CLSTN2: variants seen among roughly 807,000 people sequenced by gnomAD.
CLSTN2 encodes the protein calsyntenin-2.
A neutral mutation model predicts 101.2 loss-of-function variants in CLSTN2; 48 were observed. That is an observed-to-expected ratio of 0.47 (90% CI 0.38 to 0.60). The LOEUF is 0.60. Among genes scored for constraint, CLSTN2 ranks in the 20% least tolerant of loss-of-function variants. The probability of loss-of-function intolerance (pLI) is 0.00; values close to 1 mark genes in which losing one functional copy is unlikely to be tolerated. For missense variants in CLSTN2, 1,160 were observed against 1,238.2 expected (o/e 0.94, Z 0.95); for synonymous variants, 481 against 463.6 (o/e 1.04, Z -0.48).
intron 1 of CLSTN2, among the ~76,000 whole-genome samples, chr3:140,063,256 T>C (rs2008236900): frequency 6.6e-6 from 1 of 151,114 alleles, no homozygotes; most frequent in African/African-American, 2.5e-5. Flanking sequence ...GTTTCCCACC[T>C]AAATTTTAGT....
At chr3:140,170,695 G>A (rs1190207012) in intron 1 of CLSTN2, among the ~76,000 whole-genome samples, 2 of 152,136 alleles carry the variant, frequency 1.3e-5, no homozygotes, top group Non-Finnish European at 2.9e-5. Context: ...TTTTAAGTTG[G>A]TCTATAAATC....
intron 1 of CLSTN2, among the ~76,000 whole-genome samples, chr3:140,105,877 G>T (rs950114479): frequency 2.6e-5 from 4 of 152,206 alleles, no homozygotes; most frequent in African/African-American, 9.6e-5. Context: ...CCCTCTCTGA[G>T]CAGAAGTCAC....
At chr3:140,273,260 A>T (rs1410701197) in intron 2 of CLSTN2, among the ~76,000 whole-genome samples, 2 of 152,178 alleles carry the variant, frequency 1.3e-5, no homozygotes, top group African/African-American at 2.4e-5. Context: ...TACCTAATGC[A>T]TGCAGGGCTT....
chr3:140,442,666 C>T (rs1382143463), intron 5 of CLSTN2, among the ~76,000 whole-genome samples: 1 of 152,106 alleles, frequency 6.6e-6, no homozygotes, highest in Non-Finnish European at 1.5e-5. Context: ...TCAGGAGTAT[C>T]CTGCTGTTCT....
intron 2 of CLSTN2, among the ~76,000 whole-genome samples, chr3:140,190,765 ATGTTT>A: frequency 6.6e-6 from 1 of 152,234 alleles, no homozygotes; most frequent in Non-Finnish European, 1.5e-5. Flanking sequence ...GTATGGTGCT[ATGTTT>A]TATGTTATGC....
At chr3:140,550,173 C>G (rs2934764) in intron 10 of CLSTN2, among the ~76,000 whole-genome samples, 6 of 151,722 alleles carry the variant, frequency 4.0e-5, no homozygotes, top group South Asian at 2.1e-4. Flanking sequence ...CATATCAGAG[C>G]CCACCTATTA....
rs560140948 is a variant in CLSTN2 at position 140,550,975 on chromosome 3, C to G, written c.1674+4294C>G. On this transcript the variant is annotated intron_variant, in intron 10 of 16. Coordinates refer to ENST00000458420, the MANE Select transcript of CLSTN2 (RefSeq NM_022131.3). ...TTAATAAGACGCCCAATTTATGGAG[C>G]ACCCACTGGGGGCTATTGTATGTTC... 1.6e-3 allele frequency among the ~76,000 whole-genome samples: 247 copies of G among 152,010 alleles called. 1 individual carries two copies. The highest frequency in any genetic ancestry group is 5.3e-3 in the African/African-American group (219 of 41,390).
chr3:140,397,522 C>T (rs1005239803), intron 2 of CLSTN2, among the ~76,000 whole-genome samples: 1 of 152,176 alleles, frequency 6.6e-6, no homozygotes, highest in African/African-American at 2.4e-5. Context: ...ATTTATTTCT[C>T]ACAGTTCTGG....
chr3:139,986,373 C>T (rs1329205184), intron 1 of CLSTN2, among the ~76,000 whole-genome samples: 1 of 152,100 alleles, frequency 6.6e-6, no homozygotes, highest in Non-Finnish European at 1.5e-5. Flanking sequence ...TCCTCCCCAG[C>T]CCTTTGAGGG....
At chr3:140,565,788 C>T (rs1361417165) in intron 16 of CLSTN2, among the ~76,000 whole-genome samples, 1 of 152,186 alleles carries the variant, frequency 6.6e-6, no homozygotes, top group African/African-American at 2.4e-5. Context: ...CTAAAATGTC[C>T]AGCCCATCAT....
At position 140,226,844 on chromosome 3, in the gene CLSTN2, CA is replaced by C. The variant is rs367754600; in HGVS notation, c.232+50780del. On this transcript the variant is annotated intron_variant, in intron 2 of 16. Transcript: ENST00000458420. ...GATGGCAGCAAAGGGAGAGTTTGTG[CA>C]AAAAAAAACTCCCATTTTTAAAACC... Among the ~76,000 whole-genome samples, 297 of 150,954 alleles carry C rather than the reference CA, an allele frequency of 2.0e-3. 1 individual carries two copies. Among genetic ancestry groups the C allele is most frequent in the African/African-American group, 5.8e-3 (238 of 41,024 alleles).
At chr3:140,407,301 C>T (rs2107981211) in intron 4 of CLSTN2, among the ~76,000 whole-genome samples, 1 of 152,304 alleles carries the variant, frequency 6.6e-6, no homozygotes, top group Middle Eastern at 3.4e-3. Flanking sequence ...CCCATGGCTT[C>T]AGATGGATGT....
At chr3:140,211,992 C>T (rs2010861788) in intron 2 of CLSTN2, among the ~76,000 whole-genome samples, 1 of 152,196 alleles carries the variant, frequency 6.6e-6, no homozygotes, top group African/African-American at 2.4e-5. Flanking sequence ...ATTTTCCCTG[C>T]ACCATCCATA....
At chr3:140,022,241 C>A (rs1303632877) in intron 1 of CLSTN2, among the ~76,000 whole-genome samples, 1 of 152,198 alleles carries the variant, frequency 6.6e-6, no homozygotes, top group East Asian at 1.9e-4. Flanking sequence ...CTAGCTGGAG[C>A]CTGGCAGCTG....
At chr3:140,422,695 G>A (rs966255606) in intron 5 of CLSTN2, among the ~76,000 whole-genome samples, 1 of 152,148 alleles carries the variant, frequency 6.6e-6, no homozygotes, top group African/African-American at 2.4e-5. Context: ...TAGAAAGAAG[G>A]ACAAGCCAGA....
At chr3:140,168,904 T>TC (rs2010172982) in intron 1 of CLSTN2, among the ~76,000 whole-genome samples, 1 of 152,142 alleles carries the variant, frequency 6.6e-6, no homozygotes, top group South Asian at 2.1e-4. Flanking sequence ...AGGTTTGCAG[T>TC]AAGTTTCAAA....
chr3:140,046,913 A>T (rs535642725), intron 1 of CLSTN2, among the ~76,000 whole-genome samples: 14 of 152,302 alleles, frequency 9.2e-5, no homozygotes, highest in South Asian at 4.1e-4. Flanking sequence ...GCCACTTTGT[A>T]GCATCCTGGA....
At chr3:140,437,050 G>GT (rs11382080) in intron 5 of CLSTN2, among the ~76,000 whole-genome samples, 78,805 of 135,052 alleles carry the variant, frequency 0.58, 23,369 homozygotes, top group East Asian at 0.91. Flanking sequence ...GGGAGGTTTG[G>GT]TTTTTTTTTT....
chr3:140,135,109 CACACACACATATAT>C (rs1277117035), intron 1 of CLSTN2, among the ~76,000 whole-genome samples: 3 of 52,508 alleles, frequency 5.7e-5, no homozygotes, highest in African/African-American at 2.4e-4. Context: ...CACACACACA[CACACACACATATAT>C]ATATATATAT....
Sources: allele counts gnomAD v4.1 joint callset (sites outside exome capture counted in the v4.1 genomes callset), GRCh38; gene constraint gnomAD v4.1.1; transcripts MANE v1.5; gene names NCBI Gene and HGNC (gene_info 2026-07-23, HGNC 2026-07-21).